Variants in RANBP2 observed in about 807,000 individuals in gnomAD.
RANBP2 encodes the protein E3 SUMO-protein ligase RanBP2.
A neutral mutation model predicts 303.6 loss-of-function variants in RANBP2; 57 were observed. That is an observed-to-expected ratio of 0.19 (90% CI 0.15 to 0.23). The LOEUF (loss-of-function observed/expected upper bound fraction) is 0.23, where lower values mean the gene tolerates loss of function less well. Among genes scored for constraint, RANBP2 ranks in the 10% least tolerant of loss-of-function variants. The pLI is 1.00. For synonymous variants in RANBP2, 1,167 were observed against 1,301.5 expected, an observed-to-expected ratio of 0.90 and a Z score of 2.23; for missense variants, 3,138 against 3,780.8, an observed-to-expected ratio of 0.83 and a Z score of 4.46.
chr2:109,201,401 C>T, the RANBP2 span, among the ~76,000 whole-genome samples: 33 of 152,306 alleles, frequency 2.2e-4, 1 homozygote, highest in Admixed American at 5.9e-4. Context: ...GGCTGTTTCC[C>T]GGATCTCTCT....
At chr2:109,270,592 C>A in the RANBP2 span, among the ~76,000 whole-genome samples, 4 of 152,198 alleles carry the variant, frequency 2.6e-5, no homozygotes, top group Non-Finnish European at 5.9e-5. Context: ...AAGCGGACTT[C>A]ATCCCAGGAG....
the RANBP2 span, among the ~76,000 whole-genome samples, chr2:108,879,027 G>A: frequency 1.2e-5 from 1 of 80,370 alleles, no homozygotes; most frequent in African/African-American, 2.9e-5. Flanking sequence ...GTTCTTTATG[G>A]TCATGTTCTA....
the RANBP2 span, among the ~76,000 whole-genome samples, chr2:109,576,364 G>A: frequency 4.6e-5 from 7 of 151,956 alleles, no homozygotes; most frequent in South Asian, 4.2e-4. Flanking sequence ...CTCCCAAAGC[G>A]CTGGGATGAC....
chr2:108,766,851 A>G lies in RANBP2; in HGVS notation c.6312A>G (p.Ala2104=), dbSNP rs751303610. ...AGCCTCTCTCTGGATCAGATAGAGC[A>G]TGGATGTGGTTAGCCAGTGATTTCT... ...NLKPLSGSDR[A]WMWLASDFSD... Residue 2104 remains alanine (A), a synonymous_variant, in exon 20 of 29, where the codon GCA becomes GCG. Transcript: ENST00000283195. 1.2e-6 allele frequency: 2 copies of G among 1,611,822 alleles called. No individual in the cohort carries two copies. Among genetic ancestry groups the G allele is most frequent in the East Asian group, 2.2e-5 (1 of 44,880 alleles).
At chr2:108,893,991 TA>T in the RANBP2 span, among the ~76,000 whole-genome samples, 3 of 152,062 alleles carry the variant, frequency 2.0e-5, no homozygotes, top group Admixed American at 6.6e-5. Flanking sequence ...CTCTCTCTGT[TA>T]TCTATCTAGG....
At chr2:109,564,463 G>A in the RANBP2 span, 19 of 1,591,538 alleles carry the variant, frequency 1.2e-5, no homozygotes, top group Admixed American at 1.7e-4. Context: ...GTCTGCTCTC[G>A]CAGGTCCTCC....
chr2:109,229,535 C>T, the RANBP2 span, among the ~76,000 whole-genome samples: 28 of 151,958 alleles, frequency 1.8e-4, no homozygotes, highest in Admixed American at 4.6e-4. Flanking sequence ...GAGCCCGATA[C>T]GGGAGGGATT....
At chr2:109,170,670 G>T in the RANBP2 span, among the ~76,000 whole-genome samples, 1 of 152,098 alleles carries the variant, frequency 6.6e-6, no homozygotes, top group African/African-American at 2.4e-5. Flanking sequence ...TTTCCTAAGG[G>T]TTCATCCTGC....
At chr2:109,395,580 C>T in the RANBP2 span, among the ~76,000 whole-genome samples, 4 of 152,314 alleles carry the variant, frequency 2.6e-5, no homozygotes, top group South Asian at 6.2e-4. Context: ...CTTTCAGCAC[C>T]GGCCTTCGGC....
downstream of RANBP2, among the ~76,000 whole-genome samples, chr2:108,788,377 G>A (rs745449428): frequency 6.7e-6 from 1 of 150,308 alleles, no homozygotes; most frequent in Non-Finnish European, 1.5e-5. Flanking sequence ...CCGAGATGGC[G>A]CCACTACACT....
the RANBP2 span, among the ~76,000 whole-genome samples, chr2:109,319,989 G>T: frequency 6.6e-6 from 1 of 152,178 alleles, no homozygotes; most frequent in South Asian, 2.1e-4. Context: ...GATGGAGAGT[G>T]GGGGGTGCTA....
chr2:108,921,105 C>CT, the RANBP2 span, among the ~76,000 whole-genome samples: 2 of 152,212 alleles, frequency 1.3e-5, no homozygotes, highest in African/African-American at 4.8e-5. Context: ...AATCACCCCC[C>CT]TGAAACCCTC....
the RANBP2 span, among the ~76,000 whole-genome samples, chr2:109,497,685 C>G: frequency 1.3e-5 from 2 of 152,198 alleles, no homozygotes; most frequent in Non-Finnish European, 2.9e-5. Context: ...AGCTCAGAGT[C>G]TTGGAATGAT....
chr2:109,323,700 G>A, the RANBP2 span, among the ~76,000 whole-genome samples: 1 of 152,202 alleles, frequency 6.6e-6, no homozygotes, highest in Non-Finnish European at 1.5e-5. Flanking sequence ...ATAAGGTGAA[G>A]GTGGCCTGCT....
the RANBP2 span, among the ~76,000 whole-genome samples, chr2:108,950,863 G>C: frequency 6.6e-6 from 1 of 152,228 alleles, no homozygotes; most frequent in African/African-American, 2.4e-5. Context: ...CTGGAGCAAG[G>C]GACCCAGGCC....
the RANBP2 span, among the ~76,000 whole-genome samples, chr2:109,222,975 C>T: frequency 6.6e-6 from 1 of 152,252 alleles, no homozygotes; most frequent in African/African-American, 2.4e-5. Flanking sequence ...CTCCCATCAA[C>T]AGGGTCTGTA....
the RANBP2 span, among the ~76,000 whole-genome samples, chr2:109,643,210 C>T: frequency 6.6e-6 from 1 of 151,076 alleles, no homozygotes; most frequent in South Asian, 2.1e-4. Flanking sequence ...AAAAAAAGAT[C>T]ATCTCCCAAC....
At chr2:109,533,666 A>T in the RANBP2 span, among the ~76,000 whole-genome samples, 2 of 152,216 alleles carry the variant, frequency 1.3e-5, no homozygotes, top group Admixed American at 1.3e-4. Flanking sequence ...AGCGAATACA[A>T]ACAGCTAAGG....
the RANBP2 span, among the ~76,000 whole-genome samples, chr2:109,403,323 T>G: frequency 6.6e-6 from 1 of 152,160 alleles, no homozygotes; most frequent in South Asian, 2.1e-4. Context: ...TCTCACCTCC[T>G]CTGTCCTGGC....
Sources: gnomAD v4.1 joint callset for allele counts (sites outside exome capture counted in the v4.1 genomes callset) on GRCh38, gnomAD v4.1.1 for gene constraint, MANE v1.5 for transcripts, NCBI Gene and HGNC (gene_info 2026-07-23, HGNC 2026-07-21) for gene names.